Variants in EPM2A observed in about 807,000 individuals in gnomAD.
EPM2A encodes the protein laforin.
Under a neutral mutation model 26.5 loss-of-function variants are expected in EPM2A, and 21 were observed. The ratio of observed to expected loss-of-function variants is 0.79; its 90% CI spans 0.56 to 1.14. The LOEUF (loss-of-function observed/expected upper bound fraction) is 1.14. Among genes scored for constraint, EPM2A ranks in the 50% most tolerant of loss-of-function variants. EPM2A has a pLI of 0.00. For synonymous variants in EPM2A, 217 were observed against 177.6 expected (o/e 1.22, Z -1.76); for missense variants, 458 against 440.8 (o/e 1.04, Z -0.35).
intron 4 of EPM2A, among the ~76,000 whole-genome samples, chr6:145,402,492 A>G (rs751073816): frequency 3.9e-5 from 6 of 152,162 alleles, no homozygotes; most frequent in Non-Finnish European, 7.4e-5. Flanking sequence ...TGGACAATTG[A>G]CAAAATTTGC....
intron 4 of EPM2A, among the ~76,000 whole-genome samples, chr6:145,412,238 T>A (rs1033464048): frequency 2.7e-5 from 4 of 146,898 alleles, no homozygotes; most frequent in Non-Finnish European, 4.5e-5. Context: ...AAAAAATTCA[T>A]CTTCATCTTG....
At chr6:145,669,700 G>C (rs1779507533) in intron 2 of EPM2A, among the ~76,000 whole-genome samples, 1 of 152,124 alleles carries the variant, frequency 6.6e-6, no homozygotes, top group African/African-American at 2.4e-5. Flanking sequence ...GAAAACCCTG[G>C]AAAAAGGCTA....
At chr6:145,499,520 G>A (rs764456984), downstream of EPM2A, among the ~76,000 whole-genome samples, 5 of 152,098 alleles carry the variant, frequency 3.3e-5, no homozygotes, top group Non-Finnish European at 7.3e-5. Context: ...TCCTCAACTA[G>A]ACTATATGTT....
chr6:145,519,388 T>C (rs1209009938), intron 2 of EPM2A, among the ~76,000 whole-genome samples: 1 of 152,076 alleles, frequency 6.6e-6, no homozygotes, highest in East Asian at 1.9e-4. Flanking sequence ...CTGGAGATGA[T>C]TAAATGCCCC....
At chr6:145,415,052 A>G (rs1778689905) in intron 4 of EPM2A, among the ~76,000 whole-genome samples, 1 of 152,186 alleles carries the variant, frequency 6.6e-6, no homozygotes, top group Admixed American at 6.5e-5. Flanking sequence ...TCAAAACTGG[A>G]TCATGCTCTG....
At chr6:145,427,287 C>T (rs1035304492) in intron 4 of EPM2A, among the ~76,000 whole-genome samples, 1 of 152,020 alleles carries the variant, frequency 6.6e-6, no homozygotes, top group African/African-American at 2.4e-5. Flanking sequence ...GGGAAGATAG[C>T]CATTTTAAAT....
intron 4 of EPM2A, among the ~76,000 whole-genome samples, chr6:145,405,846 G>A (rs934048928): frequency 6.6e-6 from 1 of 152,072 alleles, no homozygotes; most frequent in African/African-American, 2.4e-5. Flanking sequence ...ATTATAAGCT[G>A]TGCAAGTGTT....
At chr6:145,435,585 TA>T (rs1778979040) in intron 4 of EPM2A, among the ~76,000 whole-genome samples, 1 of 151,848 alleles carries the variant, frequency 6.6e-6, no homozygotes, top group Non-Finnish European at 1.5e-5. Flanking sequence ...TTTTTTAATT[TA>T]TTTTTTTTAA....
intron 2 of EPM2A, among the ~76,000 whole-genome samples, chr6:145,580,687 T>C (rs181339324): frequency 4.9e-4 from 74 of 152,180 alleles, no homozygotes; most frequent in South Asian, 1.0e-3. Context: ...TACTCTAAAG[T>C]GGGCCCCAGT....
At chr6:145,490,907 G>A (rs1779746505) in intron 4 of EPM2A, 1 of 726,120 alleles carries the variant, frequency 1.4e-6, no homozygotes, top group African/African-American at 1.8e-5. Context: ...TGCTAGAGCA[G>A]AATCATTAGA....
At position 145,440,622 on chromosome 6, in the gene EPM2A, A is replaced by G. The variant is rs148835921; in HGVS notation, c.556-56525T>C. ...GCCAGTTAGTTACTTCCTAGATACA[A>G]TGGGGTACAGGCATTGGTTAAATAC... On this transcript the variant is annotated intron_variant, in intron 4 of 4. Coordinates refer to the EPM2A transcript ENST00000638717. 9.2e-3 allele frequency among the ~76,000 whole-genome samples: 1,401 copies of G among 152,326 alleles called. 19 individuals are homozygous for G. Among genetic ancestry groups the G allele is most frequent in the African/African-American group, 0.032 (1,340 of 41,562 alleles).
intron 2 of EPM2A, among the ~76,000 whole-genome samples, chr6:145,511,294 G>T (rs1780051938): frequency 1.3e-5 from 2 of 152,034 alleles, no homozygotes; most frequent in African/African-American, 2.4e-5. Context: ...CTTGCAAAAA[G>T]ATAGCAAAAA....
chr6:145,555,075 T>C (rs1423737212), intron 2 of EPM2A, among the ~76,000 whole-genome samples: 2 of 152,118 alleles, frequency 1.3e-5, no homozygotes, highest in East Asian at 1.9e-4. Context: ...AGTTGACACA[T>C]AAAATTAATG....
intron 2 of EPM2A, among the ~76,000 whole-genome samples, chr6:145,604,501 A>C (rs1424945668): frequency 6.6e-6 from 1 of 152,146 alleles, no homozygotes; most frequent in Non-Finnish European, 1.5e-5. Flanking sequence ...GAGTCTGCAA[A>C]AAACCACCAC....
At chr6:145,721,554 C>T (rs1775951311) in intron 1 of EPM2A, 1 of 152,252 alleles carries the variant, frequency 6.6e-6, no homozygotes, top group Non-Finnish European at 1.5e-5. Context: ...AGCCTTACCA[C>T]AGCTCTTTCA....
chr6:145,428,138 A>G (rs901531956), intron 4 of EPM2A, among the ~76,000 whole-genome samples: 8 of 148,636 alleles, frequency 5.4e-5, no homozygotes, highest in African/African-American at 2.0e-4. Context: ...TAGAGTTTCA[A>G]AAATTATGCA....
intron 2 of EPM2A, among the ~76,000 whole-genome samples, chr6:145,525,745 A>T (rs1489596856): frequency 6.6e-6 from 1 of 151,956 alleles, no homozygotes; most frequent in Non-Finnish European, 1.5e-5. Flanking sequence ...CCGTGAGGAG[A>T]AATAATTTGA....
intron 2 of EPM2A, among the ~76,000 whole-genome samples, chr6:145,567,449 C>T (rs568612110): frequency 6.6e-6 from 1 of 152,294 alleles, no homozygotes; most frequent in African/African-American, 2.4e-5. Flanking sequence ...AAAGCCAGAT[C>T]TATTGTGTAG....
intron 2 of EPM2A, among the ~76,000 whole-genome samples, chr6:145,564,661 A>G (rs1352784472): frequency 6.6e-6 from 1 of 151,868 alleles, no homozygotes; most frequent in Non-Finnish European, 1.5e-5. Flanking sequence ...ATTTTTATGT[A>G]GGAACTCAAA....
Sources: allele counts gnomAD v4.1 joint callset (sites outside exome capture counted in the v4.1 genomes callset), GRCh38; gene constraint gnomAD v4.1.1; transcripts MANE v1.5; gene names NCBI Gene and HGNC (gene_info 2026-07-23, HGNC 2026-07-21).